Variants in ABR observed in about 807,000 individuals in gnomAD.
ABR encodes ABR activator of RhoGEF and GTPase, also known as active breakpoint cluster region-related protein.
A neutral mutation model predicts 107.2 loss-of-function variants in ABR; 35 were observed. That is an observed-to-expected ratio of 0.33 (90% confidence interval 0.25 to 0.43). The LOEUF (loss-of-function observed/expected upper bound fraction) is 0.43. Ranked by LOEUF, ABR falls within the 20% of genes least tolerant of loss-of-function variation. The pLI is 1.00. For missense variants in ABR, 815 were observed against 1,115.2 expected (o/e 0.73, Z 3.83); for synonymous variants, 498 against 462.0 (o/e 1.08, Z -1.00).
At chr17:1,112,220 C>T (rs1175443776) in intron 2 of ABR, among the ~76,000 whole-genome samples, 2 of 152,228 alleles carry the variant, frequency 1.3e-5, no homozygotes, top group South Asian at 2.1e-4. Context: ...GGCTGGGAGA[C>T]GGGGCCCTTG....
At chr17:1,087,323 G>T (rs867386097) in intron 4 of ABR, among the ~76,000 whole-genome samples, 1 of 152,154 alleles carries the variant, frequency 6.6e-6, no homozygotes, top group African/African-American at 2.4e-5. Flanking sequence ...GGGTAGGGGT[G>T]GGGGCAGGCT....
intron 2 of ABR, among the ~76,000 whole-genome samples, chr17:1,106,490 G>A (rs1481245940): frequency 6.8e-6 from 1 of 146,820 alleles, no homozygotes; most frequent in Non-Finnish European, 1.5e-5. Context: ...CTTCTCCCCT[G>A]AATTTGGTGC....
intron 2 of ABR, among the ~76,000 whole-genome samples, chr17:1,112,424 G>A (rs867054439): frequency 3.3e-5 from 5 of 152,236 alleles, no homozygotes; most frequent in African/African-American, 1.2e-4. Context: ...GAGAAGGCCC[G>A]AAAGGAAAGG....
At chr17:1,205,203 T>C (rs57657909) in intron 1 of ABR, among the ~76,000 whole-genome samples, 2,851 of 152,262 alleles carry the variant, frequency 0.019, 97 homozygotes, top group African/African-American at 0.064. Context: ...TACCCGGTTT[T>C]ATCCCCATTA....
At position 1,164,709 on chromosome 17, in the gene ABR, C is replaced by T. The variant is rs572135430; in HGVS notation, c.61+14958G>A. Among the ~76,000 whole-genome samples, 6 of 152,320 alleles carry T rather than the reference C, an allele frequency of 3.9e-5. No homozygotes were observed. The South Asian group carries it at 1.0e-3, about 26-fold the overall frequency. On this transcript the variant is annotated intron_variant, in intron 1 of 22. Coordinates refer to ENST00000302538, the MANE Select transcript of ABR (RefSeq NM_021962.5). ...TGAGACAGGGTCTCACTCTGTTGCC[C>T]AGGCTGGAGTGCAGAGGCATGATCT...
At chr17:1,063,169 C>A (rs1347062203) in intron 10 of ABR, among the ~76,000 whole-genome samples, 4 of 44,288 alleles carry the variant, frequency 9.0e-5, no homozygotes, top group Non-Finnish European at 1.8e-4. Context: ...GTTCCTCTAG[C>A]ACTGCTGTTA....
intron 16 of ABR, among the ~76,000 whole-genome samples, chr17:1,018,335 C>A (rs1443712215): frequency 6.6e-6 from 1 of 152,252 alleles, no homozygotes; most frequent in African/African-American, 2.4e-5. Flanking sequence ...AGCCACCACG[C>A]CTGGCCCGGG....
chr17:1,179,925 C>G lies in ABR; in HGVS notation c.-198G>C. On this transcript the variant is annotated 5_prime_UTR_variant, in exon 1 of 23. Transcript: ENST00000302538. The surrounding 1 kb of genome is among the most constrained non-coding windows in gnomAD (Gnocchi z 4.9). ...CGGGAGCCCCCAAAACCCTCCCGAA[C>G]CCTCCCGGCCCCAGCGGCCGCGCCG... 1 of 443,890 alleles carries G rather than the reference C, an allele frequency of 2.3e-6. No individual in the cohort carries two copies. The highest frequency in any genetic ancestry group is 6.1e-4 in the Middle Eastern group (1 of 1,652). The allele number at this position is 443,890 out of a possible 1,614,324, so 27.5% of individuals were successfully genotyped here. A position where few individuals can be genotyped will look rare whatever the true frequency, so the allele number is the denominator to read the frequency against.
intron 1 of ABR, among the ~76,000 whole-genome samples, chr17:1,197,337 T>A (rs1598110184): frequency 6.6e-6 from 1 of 151,492 alleles, no homozygotes; most frequent in Non-Finnish European, 1.5e-5. Flanking sequence ...CAAACCTCTG[T>A]CTCTGCGGGT....
At chr17:1,180,828 C>T (rs1216989943), upstream of ABR, among the ~76,000 whole-genome samples, 6 of 152,212 alleles carry the variant, frequency 3.9e-5, no homozygotes, top group African/African-American at 1.2e-4. Flanking sequence ...CTCCTGTGGG[C>T]TGATTCTGTG....
chr17:1,057,626 G>A (rs560387995), intron 12 of ABR, among the ~76,000 whole-genome samples: 1 of 150,728 alleles, frequency 6.6e-6, no homozygotes, highest in East Asian at 2.0e-4. Flanking sequence ...ACAGGCGTAA[G>A]CCACCGTACC....
chr17:1,020,761 G>C (rs905577134), intron 16 of ABR, among the ~76,000 whole-genome samples: 3 of 152,194 alleles, frequency 2.0e-5, no homozygotes, highest in Non-Finnish European at 2.9e-5. Flanking sequence ...GTCCTCCAGG[G>C]CTGAGTTTCA....
chr17:1,198,923 G>A (rs553775461), intron 1 of ABR, among the ~76,000 whole-genome samples: 1 of 149,126 alleles, frequency 6.7e-6, no homozygotes, highest in East Asian at 2.1e-4. Flanking sequence ...GTGAGCTACC[G>A]CGCCTGGCCA....
At chr17:1,077,930 C>T (rs1015338690) in intron 6 of ABR, among the ~76,000 whole-genome samples, 12 of 152,194 alleles carry the variant, frequency 7.9e-5, no homozygotes, top group African/African-American at 2.9e-4. Context: ...GCACGTCTTG[C>T]CTCTTGAGGC....
intron 6 of ABR, among the ~76,000 whole-genome samples, chr17:1,076,715 G>GAA (rs2035744101): frequency 1.8e-5 from 1 of 54,410 alleles, no homozygotes; most frequent in Non-Finnish European, 4.1e-5. Flanking sequence ...GCAGGTGCAC[G>GAA]GGGGGGGTGG....
At chr17:1,222,480 C>T (rs1013857447) in intron 1 of ABR, among the ~76,000 whole-genome samples, 1 of 152,138 alleles carries the variant, frequency 6.6e-6, no homozygotes, top group Non-Finnish European at 1.5e-5. Flanking sequence ...ATCCACTGAA[C>T]ACAAGGAATT....
At chr17:1,197,177 A>T (rs2042587002) in intron 1 of ABR, among the ~76,000 whole-genome samples, 1 of 151,604 alleles carries the variant, frequency 6.6e-6, no homozygotes, top group Non-Finnish European at 1.5e-5. Flanking sequence ...CCAGGCTCGG[A>T]TGAGCATTGC....
chr17:1,091,575 A>T, intron 4 of ABR, 90 bp downstream of exon 4: 1 of 1,448,272 alleles, frequency 6.9e-7, no homozygotes, highest in Non-Finnish European at 9.4e-7. Flanking sequence ...GGAGTCCGAG[A>T]GGGCTGCCCG....
chr17:1,214,897 C>A (rs904436412), intron 1 of ABR, among the ~76,000 whole-genome samples: 16 of 151,928 alleles, frequency 1.1e-4, no homozygotes, highest in Non-Finnish European at 2.2e-4. Flanking sequence ...AGTTCTATTT[C>A]TCTCCAAATA....
Sources: gnomAD v4.1 joint callset for allele counts (sites outside exome capture counted in the v4.1 genomes callset) on GRCh38, gnomAD v4.1.1 for gene constraint, Gnocchi (gnomAD v3.1) non-coding constraint, MANE v1.5 for transcripts, NCBI Gene and HGNC (gene_info 2026-07-23, HGNC 2026-07-21) for gene names.